BTD: variants seen among roughly 807,000 people sequenced by gnomAD.
BTD encodes biotinidase.
In BTD, 13 loss-of-function variants were observed where a neutral mutation model predicts 17.7. The observed-to-expected ratio is 0.74, with a 90% CI of 0.48 to 1.17. The LOEUF is 1.17. Ranked by LOEUF, BTD falls within the 50% of genes most tolerant of loss-of-function variation. The probability of loss-of-function intolerance (pLI) is 0.00; values close to 1 mark genes in which losing one functional copy is unlikely to be tolerated. For missense variants in BTD, 674 were observed against 650.4 expected, an observed-to-expected ratio of 1.04 and a Z score of -0.39; for synonymous variants, 240 against 245.2, an observed-to-expected ratio of 0.98 and a Z score of 0.20.
At chr3:15,636,807 G>A (rs1465618305) in intron 2 of BTD, among the ~76,000 whole-genome samples, 2 of 152,050 alleles carry the variant, frequency 1.3e-5, no homozygotes, top group African/African-American at 2.4e-5. Context: ...GGCAGGGGGT[G>A]TGTATGTGTG....
At chr3:15,625,333 A>G (rs575165451) in intron 1 of BTD, among the ~76,000 whole-genome samples, 5 of 152,112 alleles carry the variant, frequency 3.3e-5, no homozygotes, top group African/African-American at 1.2e-4. Context: ...TAAAACCCCA[A>G]TAGGTAAAAA....
intron 1 of BTD, among the ~76,000 whole-genome samples, chr3:15,633,914 A>T (rs1429067997): frequency 6.6e-6 from 1 of 152,204 alleles, no homozygotes; most frequent in African/African-American, 2.4e-5. Flanking sequence ...TTTCTACTCA[A>T]AAACTCATGA....
At chr3:15,691,670 T>G (rs2068823294) in intron 3 of BTD, among the ~76,000 whole-genome samples, 1 of 152,224 alleles carries the variant, frequency 6.6e-6, no homozygotes, top group South Asian at 2.1e-4. Flanking sequence ...GAAACTTGAC[T>G]ACTTAAGCTT....
intron 3 of BTD, among the ~76,000 whole-genome samples, chr3:15,675,670 G>A (rs2066862493): frequency 6.6e-6 from 1 of 152,190 alleles, no homozygotes; most frequent in South Asian, 2.1e-4. Context: ...AGTATAAACA[G>A]TAAATACTAA....
intron 1 of BTD, among the ~76,000 whole-genome samples, chr3:15,629,804 A>G (rs1333803487): frequency 6.6e-6 from 1 of 152,222 alleles, no homozygotes; most frequent in Non-Finnish European, 1.5e-5. Flanking sequence ...ACCAGAAGCC[A>G]GGAGACCTGG....
Position 15,635,812 on chromosome 3 carries a change from C to A in BTD, c.249+124C>A. On this transcript the variant is annotated intron_variant, in intron 2 of 3. Coordinates refer to ENST00000643237, the MANE Select transcript of BTD (RefSeq NM_001370658.1). This position sits in a 1 kb window ranked among gnomAD's most constrained non-coding sequence, Gnocchi z 4.1. ...TCTGAAAAAGCATCCAGGTAGTTAA[C>A]CTGAGTTGAGTTAGTCAGTTGAATT... 7.1e-7 allele frequency: 1 copy of A among 1,401,150 alleles called. No individual in the cohort carries two copies. The highest frequency in any genetic ancestry group is 1.4e-5 in the African/African-American group (1 of 70,798). 86.8% of individuals were successfully genotyped at this position (1,401,150 alleles called of 1,614,324 possible). A position where few individuals can be genotyped will look rare whatever the true frequency, so the allele number is the denominator to read the frequency against.
chr3:15,633,079 A>C (rs1431922206), intron 1 of BTD, among the ~76,000 whole-genome samples: 1 of 152,172 alleles, frequency 6.6e-6, no homozygotes, highest in Non-Finnish European at 1.5e-5. Context: ...TGTACACTTT[A>C]AATCATCTCT....
chr3:15,626,428 C>G (rs1179890778), intron 1 of BTD, among the ~76,000 whole-genome samples: 1 of 152,158 alleles, frequency 6.6e-6, no homozygotes, highest in East Asian at 1.9e-4. Context: ...TTACCCAATC[C>G]TGTACTCCCA....
intron 1 of BTD, among the ~76,000 whole-genome samples, chr3:15,607,644 A>G (rs1027769684): frequency 6.6e-6 from 1 of 152,388 alleles, no homozygotes; most frequent in African/African-American, 2.4e-5. Flanking sequence ...TCACAAATGT[A>G]TTATCAAAAT....
intron 1 of BTD, chr3:15,631,568 C>A (rs1406321339): frequency 3.0e-5 from 39 of 1,290,202 alleles, no homozygotes; most frequent in Non-Finnish European, 4.0e-5. Flanking sequence ...AAATAGATTT[C>A]CATGTAATTG....
At chr3:15,672,760 C>T (rs1275032397) in intron 3 of BTD, among the ~76,000 whole-genome samples, 1 of 152,068 alleles carries the variant, frequency 6.6e-6, no homozygotes, top group East Asian at 1.9e-4. Flanking sequence ...TGACTAAAAA[C>T]AGGCTCCTCT....
Position 15,634,507 on chromosome 3 carries a change from A to C in BTD, c.-16-917A>C, listed in dbSNP as rs1265076887. On this transcript the variant is annotated intron_variant, in intron 1 of 3. Coordinates refer to ENST00000643237, the MANE Select transcript of BTD (RefSeq NM_001370658.1). Reference sequence around the variant, plus strand: ...CAGTAATGCACACTGTTTAGAAAGAAACATTCCTATTCTGGGAGGAAGGAG... The same window carrying C: ...CAGTAATGCACACTGTTTAGAAAGACACATTCCTATTCTGGGAGGAAGGAG... Among the ~76,000 whole-genome samples, 5 of 152,238 alleles carry C rather than the reference A, an allele frequency of 3.3e-5. No homozygotes were observed. In the East Asian group the frequency reaches 9.6e-4, roughly 29 times the overall value.
intron 1 of BTD, among the ~76,000 whole-genome samples, chr3:15,613,417 A>C (rs1267216531): frequency 6.6e-6 from 1 of 151,490 alleles, no homozygotes; most frequent in Non-Finnish European, 1.5e-5. Flanking sequence ...TGATGTTTTA[A>C]TTTTTTCTTC....
At chr3:15,612,042 C>T (rs896281979) in intron 1 of BTD, among the ~76,000 whole-genome samples, 9 of 151,182 alleles carry the variant, frequency 6.0e-5, no homozygotes, top group African/African-American at 1.7e-4. Context: ...TTTCTGTTTT[C>T]TAATTTAATT....
At chr3:15,693,305 C>T (rs2069046364) in intron 3 of BTD, among the ~76,000 whole-genome samples, 1 of 150,648 alleles carries the variant, frequency 6.6e-6, no homozygotes, top group Non-Finnish European at 1.5e-5. Flanking sequence ...AAATCTCTGA[C>T]AAAAAAATAG....
intron 4 of BTD, among the ~76,000 whole-genome samples, chr3:15,720,159 A>T (rs111560873): frequency 4.6e-5 from 7 of 152,284 alleles, no homozygotes; most frequent in African/African-American, 1.7e-4. Flanking sequence ...CCACTATGCC[A>T]GCCCAGAATT....
intron 3 of BTD, chr3:15,668,071 C>T (rs1454088801): frequency 1.3e-5 from 2 of 152,198 alleles, no homozygotes; most frequent in African/African-American, 4.8e-5. Context: ...ACAGAAGTTA[C>T]CGGGAGGGAG....
rs183833912 is a variant in BTD at position 15,618,791 on chromosome 3, C to G, written c.-16-16633C>G. 5.5e-3 allele frequency among the ~76,000 whole-genome samples: 836 copies of G among 152,320 alleles called. 5 individuals are homozygous for G. Among genetic ancestry groups the G allele is most frequent in the African/African-American group, 0.018 (759 of 41,576 alleles). On this transcript the variant is annotated intron_variant, in intron 1 of 3. Transcript: ENST00000643237. The stretch of plus-strand genomic sequence containing the variant: ...CCACCTGCCTCAGCCTCCCAAAGTG[C>G]TGGGATTACAGGCGTGAGCCACTGT...
Position 15,632,213 on chromosome 3 carries a change from A to G in BTD, c.-16-3211A>G, listed in dbSNP as rs569821007. On this transcript the variant is annotated intron_variant, in intron 1 of 3. Coordinates refer to ENST00000643237, the MANE Select transcript of BTD (RefSeq NM_001370658.1). ...ATTGTCCCCCTCGCCTCACCTTACC[A>G]CCTTCACTGCCTCATTTCTCCTTTG... Among the ~76,000 whole-genome samples, 20 of 151,630 alleles carry G rather than the reference A, an allele frequency of 1.3e-4. No homozygotes were observed. In the South Asian group the frequency reaches 3.1e-3, roughly 24 times the overall value.
Sources: allele counts gnomAD v4.1 joint callset (sites outside exome capture counted in the v4.1 genomes callset), GRCh38; gene constraint gnomAD v4.1.1; non-coding constraint Gnocchi (gnomAD v3.1); transcripts MANE v1.5; gene names NCBI Gene and HGNC (gene_info 2026-07-23, HGNC 2026-07-21).